The following A2ML1 variants were observed in gnomAD, a reference collection of about 807,000 sequenced individuals.
A2ML1 encodes alpha-2-macroglobulin-like protein 1.
Under a neutral mutation model 181.9 loss-of-function variants are expected in A2ML1, and 161 were observed. The ratio of observed to expected loss-of-function variants is 0.89; its 90% confidence interval spans 0.78 to 1.01. The LOEUF is 1.01. Among genes scored for constraint, A2ML1 ranks in the 50% least tolerant of loss-of-function variants. A2ML1 has a pLI of 0.00. For synonymous variants in A2ML1, 663 were observed against 666.8 expected (o/e 0.99, Z 0.09); for missense variants, 1,670 against 1,768.1 (o/e 0.94, Z 1.00).
intron 28 of A2ML1, among the ~76,000 whole-genome samples, chr12:8,861,896 AT>A (rs1944280382): frequency 6.6e-6 from 1 of 151,940 alleles, no homozygotes; most frequent in Non-Finnish European, 1.5e-5. Flanking sequence ...AGTAGATGGG[AT>A]TACAGGTGTG....
rs772382359 is a variant in A2ML1, at chr12:8,861,276, G to C, written c.3481G>C (p.Asp1161His). Reference sequence around the variant, plus strand: ...CAGAAACATTCTCCTTAAACAGTTAGATCAACAGGCTATCATCTCAGGTAT... The same window carrying C: ...CAGAAACATTCTCCTTAAACAGTTACATCAACAGGCTATCATCTCAGGTAT... ...DIRNILLKQL[D>H]QQAIISGESI... is the part of the protein sequence containing the mutation. Residue 1161 changes from aspartate (D) to histidine (H), a missense_variant, in exon 28 of 36, where the codon GAT (aspartate) becomes CAT (histidine). Coordinates refer to ENST00000299698, the MANE Select transcript of A2ML1 (RefSeq NM_144670.6). 5.6e-6 allele frequency: 9 copies of C among 1,614,036 alleles called. 1 individual carries two copies. Among genetic ancestry groups the C allele is most frequent in the Middle Eastern group, 3.3e-4 (2 of 6,056 alleles).
chr12:8,862,441 A>G (rs1033658988), intron 28 of A2ML1, among the ~76,000 whole-genome samples: 5 of 152,122 alleles, frequency 3.3e-5, no homozygotes, highest in Non-Finnish European at 5.9e-5. Flanking sequence ...ACCTCAAGTG[A>G]TCCGCCCCTC....
chr12:8,882,080 T>A (rs757012704), intron 7 of A2ML1, among the ~76,000 whole-genome samples: 15 of 151,750 alleles, frequency 9.9e-5, no homozygotes, highest in Non-Finnish European at 2.9e-5. Flanking sequence ...TAGTGGGATA[T>A]AAAGGGTCAT....
At chr12:8,840,979 G>GA (rs1943452942) in intron 10 of A2ML1, among the ~76,000 whole-genome samples, 1 of 35,742 alleles carries the variant, frequency 2.8e-5, no homozygotes, top group Admixed American at 2.8e-4. Flanking sequence ...AGGAAGGAAA[G>GA]AAGGAAGGAA....
Position 8,823,172 on chromosome 12 carries a change from C to T in A2ML1, c.63-10C>T. ...ATTATTGCCCTGAAATCCTTCTGCT[C>T]CTTTAATAGAAACTACCTGGTGACA... On this transcript the variant is annotated splice_polypyrimidine_tract_variant and intron_variant, in intron 1 of 35. Coordinates refer to ENST00000299698, the MANE Select transcript of A2ML1 (RefSeq NM_144670.6). The T allele has an allele frequency of 6.2e-7, 1 of 1,612,436 alleles. No homozygotes were observed. Among genetic ancestry groups the T allele is most frequent in the Non-Finnish European group, 8.5e-7 (1 of 1,179,390 alleles).
At chr12:8,851,621 G>A (rs1182901169) in intron 18 of A2ML1, among the ~76,000 whole-genome samples, 163 bp from the exon 19 acceptor site, 1 of 152,084 alleles carries the variant, frequency 6.6e-6, no homozygotes, top group Non-Finnish European at 1.5e-5. Flanking sequence ...TCCCAGGCTG[G>A]CCTCAAACTG....
rs761396274 is a variant in A2ML1, at chr12:8,855,242, T to C, written c.2765-267T>C. Among the ~76,000 whole-genome samples, 7 of 152,220 alleles carry C rather than the reference T, an allele frequency of 4.6e-5. No individual in the cohort carries two copies. The East Asian group carries it at 5.8e-4, about 13-fold the overall frequency. ...GAGGAATGCATAGTACCAGAAGGAA[T>C]AGGAGAGTCTGAAGTGCCATTCCTC... On this transcript the variant is annotated intron_variant, in intron 22 of 35. Transcript: ENST00000299698.
chr12:8,841,377 TA>T lies in A2ML1; in HGVS notation c.1090del (p.Arg364GlyfsTer12). The T allele has an allele frequency of 6.2e-7, 1 of 1,614,124 alleles. No individual in the cohort carries two copies. Among genetic ancestry groups the T allele is most frequent in the South Asian group, 1.1e-5 (1 of 91,054 alleles). The stretch of plus-strand genomic sequence containing the variant: ...TGATCTTTGTCCTTCAGATAAGAGT[TA>T]GGGGCCATGATGACTCCTTCCTCAA... ...NFPFSGKIRV[R>X]GHDDSFLKNH... On this transcript the variant is annotated frameshift_variant, in exon 11 of 36. Transcript: ENST00000299698. LOFTEE classifies it high-confidence loss of function.
Position 8,832,979 on chromosome 12 carries a change from C to CT in A2ML1, c.463-1671dup, listed in dbSNP as rs10670476. Among the ~76,000 whole-genome samples the CT allele has an allele frequency of 4.9e-4, 68 of 138,680 alleles. 1 individual carries two copies. The highest frequency in any genetic ancestry group is 4.8e-4 in the African/African-American group (18 of 37,272). The allele number at this position is 138,680 out of a possible 152,430, so 91.0% of individuals were successfully genotyped here. A position where few individuals can be genotyped will look rare whatever the true frequency, so the allele number is the denominator to read the frequency against. ...ACTTCCAGTCGGAAATGCTACTTTC[C>CT]TTTTTTTTTTTTGAGACGGAGTTTC... is the stretch of plus-strand genomic sequence containing the variant. On this transcript the variant is annotated intron_variant, in intron 4 of 35. Coordinates refer to ENST00000299698, the MANE Select transcript of A2ML1 (RefSeq NM_144670.6).
intron 4 of A2ML1, among the ~76,000 whole-genome samples, chr12:8,832,547 G>A (rs889827954): frequency 3.3e-5 from 5 of 152,182 alleles, no homozygotes; most frequent in Admixed American, 6.5e-5. Flanking sequence ...TTACAAGTTA[G>A]AAGCAAGATG....
chr12:8,839,282 T>A, intron 10 of A2ML1, 60 bp downstream of exon 10: 2 of 1,237,214 alleles, frequency 1.6e-6, no homozygotes, highest in Non-Finnish European at 2.3e-6. Context: ...CTTTGCCTCC[T>A]TCCTGCAGCC....
At chr12:8,865,578 C>T (rs992655341) in intron 29 of A2ML1, among the ~76,000 whole-genome samples, 3 of 152,084 alleles carry the variant, frequency 2.0e-5, no homozygotes, top group Non-Finnish European at 4.4e-5. Flanking sequence ...ACAATTTTAA[C>T]TTTGTTTCAG....
In A2ML1 at chr12:8,860,413, T is replaced by A. The variant is rs868698912; in HGVS notation, c.3265-468T>A. Among the ~76,000 whole-genome samples, 4 of 152,310 alleles carry A rather than the reference T, an allele frequency of 2.6e-5. No homozygotes were observed. The South Asian group carries it at 8.3e-4, about 32-fold the overall frequency. On this transcript the variant is annotated intron_variant, in intron 26 of 35. Transcript: ENST00000299698. ...ATGAGGATAATAATTTGAGTAGATA[T>A]TTTTAAAAATTTGCTTAGCTCTTTC...
At chr12:8,837,984 A>T (rs1413144417) in intron 8 of A2ML1, among the ~76,000 whole-genome samples, 1 of 151,992 alleles carries the variant, frequency 6.6e-6, no homozygotes, top group Non-Finnish European at 1.5e-5. Flanking sequence ...AGTAGAAAGC[A>T]TTTCCCAGAA....
rs768879801 is a variant in A2ML1 at position 8,829,736 on chromosome 12, G to C, written c.419G>C (p.Arg140Pro). The C allele has an allele frequency of 1.9e-6, 3 of 1,613,572 alleles. No individual in the cohort carries two copies. The South Asian group carries it at 3.3e-5, about 18-fold the overall frequency. The change falls in exon 4 of 36, where the codon CGC becomes CCC. Residue 140 changes from arginine (R) to proline (P), a missense_variant. Arg to Pro is a moderately radical substitution (Grantham distance 103). Coordinates refer to ENST00000299698, the MANE Select transcript of A2ML1 (RefSeq NM_144670.6). ...LYTPGQQVYFRIVTMDSNFVP... is the reference protein window; with the variant it reads ...LYTPGQQVYFPIVTMDSNFVP... ...GCCTGTTCCTTTCCAGTGTATTTCC[G>C]CATTGTCACCATGGATAGCAACTTC...
At chr12:8,835,431 C>T (rs963775337) in intron 5 of A2ML1, 76 bp from the exon 6 acceptor site, 7 of 1,583,738 alleles carry the variant, frequency 4.4e-6, no homozygotes, top group Admixed American at 3.4e-5. Context: ...CTGCCTTTTG[C>T]TTCTTTACCT....
chr12:8,861,980 G>A (rs979255119), intron 28 of A2ML1, among the ~76,000 whole-genome samples: 11 of 150,302 alleles, frequency 7.3e-5, no homozygotes, highest in Admixed American at 6.6e-5. Flanking sequence ...GGGTGGTCTC[G>A]AATTCTTGAC....
In A2ML1 at chr12:8,843,298, G is replaced by T. The variant is rs377277445; in HGVS notation, c.1413G>T (p.Leu471=). Residue 471 remains leucine, a synonymous_variant, in exon 12 of 36, where the codon CTG becomes CTT. Coordinates refer to ENST00000299698, the MANE Select transcript of A2ML1 (RefSeq NM_144670.6). ...PLKCGQPQEV[L]VDYYIDPADA... ...AATGTGGCCAGCCCCAGGAAGTGCT[G>T]GTGGATTATTACATCGACCCGGCCG... The T allele has an allele frequency of 6.2e-7, 1 of 1,614,152 alleles. No individual in the cohort carries two copies. Among genetic ancestry groups the T allele is most frequent in the African/African-American group, 1.3e-5 (1 of 75,012 alleles).
chr12:8,872,783 CAA>C (rs570693086), intron 33 of A2ML1, among the ~76,000 whole-genome samples: 16 of 68,650 alleles, frequency 2.3e-4, no homozygotes, highest in Non-Finnish European at 2.9e-4. Context: ...GACTCCATCT[CAA>C]AAAAAAAAAA....
Sources: gnomAD v4.1 joint callset for allele counts (sites outside exome capture counted in the v4.1 genomes callset) on GRCh38, gnomAD v4.1.1 for gene constraint, MANE v1.5 for transcripts, NCBI Gene and HGNC (gene_info 2026-07-23, HGNC 2026-07-21) for gene names.